Variants in CREB5 observed in about 807,000 individuals in gnomAD.
CREB5 encodes cAMP responsive element binding protein 5.
In CREB5, 19 loss-of-function variants were observed where a neutral mutation model predicts 57.1. That is an observed-to-expected ratio of 0.33 (90% CI 0.23 to 0.49). The LOEUF (loss-of-function observed/expected upper bound fraction) is 0.49. Ranked by LOEUF, CREB5 falls within the 20% of genes least tolerant of loss-of-function variation. The pLI is 0.99. For missense variants in CREB5, 579 were observed against 671.6 expected (o/e 0.86, Z 1.52); for synonymous variants, 238 against 238.3 (o/e 1.00, Z 0.01).
intron 5 of CREB5, among the ~76,000 whole-genome samples, chr7:28,618,036 G>A (rs1797657758): frequency 2.0e-5 from 3 of 152,188 alleles, no homozygotes; most frequent in Admixed American, 6.5e-5. Flanking sequence ...AGCTTTATGA[G>A]AACGTGATAG....
intron 5 of CREB5, among the ~76,000 whole-genome samples, chr7:28,613,977 G>T (rs927220696): frequency 6.6e-6 from 1 of 152,004 alleles, no homozygotes; most frequent in Non-Finnish European, 1.5e-5. Context: ...TTGGTTTTTT[G>T]ACATAGGGTC....
chr7:28,808,712 C>CTTTTTTTTT (rs59374546), intron 8 of CREB5, among the ~76,000 whole-genome samples: 4 of 83,194 alleles, frequency 4.8e-5, no homozygotes, highest in Non-Finnish European at 6.3e-5. Context: ...CCAATTTTTC[C>CTTTTTTTTT]TTTTTTTTTT....
At chr7:28,518,994 G>A (rs1283908115) in intron 4 of CREB5, among the ~76,000 whole-genome samples, 1 of 152,166 alleles carries the variant, frequency 6.6e-6, no homozygotes, top group Admixed American at 6.5e-5. Flanking sequence ...ATTAAAACTG[G>A]TTCCTAGGTA....
intron 4 of CREB5, among the ~76,000 whole-genome samples, chr7:28,520,611 C>T (rs933760734): frequency 2.8e-4 from 42 of 152,146 alleles, no homozygotes; most frequent in Non-Finnish European, 5.1e-4. Context: ...TCAGCAATGC[C>T]GAGCTCTGTG....
intron 7 of CREB5, among the ~76,000 whole-genome samples, chr7:28,781,382 A>C (rs892142284): frequency 1.3e-5 from 2 of 152,186 alleles, no homozygotes; most frequent in Non-Finnish European, 1.5e-5. Flanking sequence ...CTAAAATGTT[A>C]ATGTGTGGTC....
chr7:28,610,565 A>T (rs1344983568), intron 5 of CREB5, among the ~76,000 whole-genome samples: 1 of 152,188 alleles, frequency 6.6e-6, no homozygotes, highest in Non-Finnish European at 1.5e-5. Flanking sequence ...AACTGCATTG[A>T]CAGGCTTCCC....
chr7:28,807,928 A>G (rs1186614672), intron 8 of CREB5, among the ~76,000 whole-genome samples: 5 of 152,210 alleles, frequency 3.3e-5, no homozygotes, highest in Admixed American at 2.6e-4. Context: ...CTGCCTTATG[A>G]ATAGAAATAA....
rs1562797035 is a variant in CREB5 at position 28,560,829 on chromosome 7, C to CGTGTGTGT, written c.292-9535_292-9534insTGTGTGTG. ...GTGCGCGTGTGTGTGTGTGCGCGCGCGCGCGTGTGTGTGTGCGCGTGTGTG... is the reference window on the plus strand; with the variant it reads ...GTGCGCGTGTGTGTGTGTGCGCGCGCGTGTGTGTGCGCGTGTGTGTGTGCGCGTGTGTG... On this transcript the variant is annotated intron_variant, in intron 4 of 10. Coordinates refer to ENST00000357727, the MANE Select transcript of CREB5 (RefSeq NM_182898.4). Among the ~76,000 whole-genome samples the CGTGTGTGT allele has an allele frequency of 1.1e-4, 7 of 65,256 alleles. 1 individual carries two copies. Among genetic ancestry groups the CGTGTGTGT allele is most frequent in the East Asian group, 5.0e-4 (1 of 1,982 alleles). The allele number at this position is 65,256 out of a possible 152,430, so 42.8% of individuals were successfully genotyped here.
At chr7:28,501,365 A>T (rs899610570) in intron 3 of CREB5, among the ~76,000 whole-genome samples, 2 of 152,242 alleles carry the variant, frequency 1.3e-5, no homozygotes, top group African/African-American at 4.8e-5. Context: ...TGTCTCATCC[A>T]TTGTGACAAA....
At chr7:28,617,850 G>T (rs1224976919) in intron 5 of CREB5, among the ~76,000 whole-genome samples, 2 of 152,184 alleles carry the variant, frequency 1.3e-5, no homozygotes, top group African/African-American at 4.8e-5. Flanking sequence ...TTCACATGAT[G>T]AATATTTATT....
At chr7:28,413,991 A>G (rs903216006) in intron 1 of CREB5, among the ~76,000 whole-genome samples, 17 of 151,940 alleles carry the variant, frequency 1.1e-4, no homozygotes, top group African/African-American at 4.1e-4. Context: ...TTGTCATTGG[A>G]GTTTACTTCT....
chr7:28,615,717 C>G (rs1797572404), intron 5 of CREB5: 1 of 152,366 alleles, frequency 6.6e-6, no homozygotes, highest in South Asian at 2.1e-4. Flanking sequence ...GACTAACCTC[C>G]AGGGCCTTGA....
chr7:28,354,285 A>T (rs1583704030), intron 1 of CREB5, among the ~76,000 whole-genome samples: 1 of 152,100 alleles, frequency 6.6e-6, no homozygotes, highest in African/African-American at 2.4e-5. Context: ...GGAAAGGCAG[A>T]CCCACCCTTA....
chr7:28,622,372 A>G (rs1583434300), intron 5 of CREB5, among the ~76,000 whole-genome samples: 1 of 152,138 alleles, frequency 6.6e-6, no homozygotes, highest in African/African-American at 2.4e-5. Context: ...GAAAACCCTT[A>G]CCCACCTGTA....
intron 7 of CREB5, among the ~76,000 whole-genome samples, chr7:28,735,978 A>T (rs1803955497): frequency 6.6e-6 from 1 of 151,690 alleles, no homozygotes; most frequent in Non-Finnish European, 1.5e-5. Context: ...CTATTTTTAA[A>T]TTTTTTACAG....
In CREB5 at chr7:28,520,636, G is replaced by A. The variant is rs191832269; in HGVS notation, c.291+12899G>A. Among the ~76,000 whole-genome samples, 4 of 152,308 alleles carry A rather than the reference G, an allele frequency of 2.6e-5. No homozygotes were observed. The East Asian group carries it at 5.8e-4, about 22-fold the overall frequency. ...CGAGCTCTGTGGCACAGAGAGAGGG[G>A]ATAAACCTTCATTGTAAAGGATTTT... is the stretch of plus-strand genomic sequence containing the variant. On this transcript the variant is annotated intron_variant, in intron 4 of 10. Transcript: ENST00000357727.
At chr7:28,334,780 A>C (rs894773364) in intron 1 of CREB5, among the ~76,000 whole-genome samples, 1 of 152,198 alleles carries the variant, frequency 6.6e-6, no homozygotes, top group Non-Finnish European at 1.5e-5. Context: ...ATCTTTGCCC[A>C]GTCCAATGTC....
At chr7:28,776,905 C>T (rs1400809694) in intron 7 of CREB5, among the ~76,000 whole-genome samples, 3 of 152,230 alleles carry the variant, frequency 2.0e-5, no homozygotes, top group Admixed American at 2.0e-4. Context: ...GAATAATATT[C>T]CATTGTGTGG....
chr7:28,804,947 T>A (rs1383252635), intron 8 of CREB5, among the ~76,000 whole-genome samples: 4 of 152,198 alleles, frequency 2.6e-5, no homozygotes. Flanking sequence ...AGAGACTCAA[T>A]TTTGTCACCT....
Sources: allele counts gnomAD v4.1 joint callset (sites outside exome capture counted in the v4.1 genomes callset), GRCh38; gene constraint gnomAD v4.1.1; transcripts MANE v1.5; gene names NCBI Gene and HGNC (gene_info 2026-07-23, HGNC 2026-07-21).